The following ST6GALNAC3 variants were observed in gnomAD, a reference collection of about 807,000 sequenced individuals.
ST6GALNAC3 encodes ST6 N-acetylgalactosaminide alpha-2,6-sialyltransferase 3.
In ST6GALNAC3, 25 loss-of-function variants were observed where a neutral mutation model predicts 32.7. The ratio of observed to expected loss-of-function variants is 0.76; its 90% CI spans 0.56 to 1.07. The LOEUF (loss-of-function observed/expected upper bound fraction) is 1.07, where lower values mean the gene tolerates loss of function less well. ST6GALNAC3 is among the 50% of genes least tolerant of loss of function. The probability of loss-of-function intolerance (pLI) is 0.00; values close to 1 mark genes in which losing one functional copy is unlikely to be tolerated. For synonymous variants in ST6GALNAC3, 129 were observed against 133.1 expected, an observed-to-expected ratio of 0.97 and a Z score of 0.21; for missense variants, 355 against 382.4, an observed-to-expected ratio of 0.93 and a Z score of 0.60.
intron 1 of ST6GALNAC3, among the ~76,000 whole-genome samples, chr1:76,143,424 T>TGTGTGTGTCC (rs748314252): frequency 6.7e-6 from 1 of 149,268 alleles, no homozygotes; most frequent in Non-Finnish European, 1.5e-5. Flanking sequence ...TGTGTGTGTG[T>TGTGTGTGTCC]CCGTCTGTGT....
intron 2 of ST6GALNAC3, among the ~76,000 whole-genome samples, chr1:76,370,651 A>AATCTT (rs1274941352): frequency 1.3e-5 from 2 of 152,136 alleles, no homozygotes; most frequent in Non-Finnish European, 2.9e-5. Context: ...TATTGTGGGT[A>AATCTT]AGATGAACCA....
intron 1 of ST6GALNAC3, among the ~76,000 whole-genome samples, chr1:76,136,913 T>C (rs543671667): frequency 4.1e-4 from 62 of 152,304 alleles, no homozygotes; most frequent in African/African-American, 1.5e-3. Context: ...ACATCATTCA[T>C]CCAGTGTCAG....
At chr1:76,248,463 G>A (rs1489093783) in intron 1 of ST6GALNAC3, among the ~76,000 whole-genome samples, 2 of 152,076 alleles carry the variant, frequency 1.3e-5, no homozygotes, top group African/African-American at 2.4e-5. Context: ...GAGGAAAATG[G>A]GTTCAAGTCT....
At chr1:76,317,683 C>T (rs1646890999) in intron 2 of ST6GALNAC3, among the ~76,000 whole-genome samples, 1 of 152,092 alleles carries the variant, frequency 6.6e-6, no homozygotes, top group South Asian at 2.1e-4. Flanking sequence ...AGACCTAGAG[C>T]ATCTGCAAAC....
intron 1 of ST6GALNAC3, among the ~76,000 whole-genome samples, chr1:76,141,279 A>T (rs1684948): frequency 0.1 from 15,848 of 152,212 alleles, 906 homozygotes; most frequent in Non-Finnish European, 0.13. Context: ...ATTTCCAGAA[A>T]AGAGAGGGTT....
chr1:76,536,311 G>A (rs541891415), intron 3 of ST6GALNAC3, among the ~76,000 whole-genome samples: 64 of 152,236 alleles, frequency 4.2e-4, no homozygotes, highest in African/African-American at 9.6e-4. Context: ...AAATACCTGA[G>A]GCTGGGTAAT....
intron 3 of ST6GALNAC3, among the ~76,000 whole-genome samples, chr1:76,602,344 C>T (rs984784830): frequency 2.0e-5 from 3 of 151,610 alleles, no homozygotes; most frequent in Admixed American, 6.6e-5. Context: ...TGTGCATGTG[C>T]GTGTGCCTGT....
At chr1:76,422,225 A>T (rs938926754) in intron 3 of ST6GALNAC3, among the ~76,000 whole-genome samples, 3 of 152,044 alleles carry the variant, frequency 2.0e-5, no homozygotes, top group African/African-American at 4.8e-5. Flanking sequence ...GTGGAAAAAC[A>T]ATTGAATAAA....
intron 2 of ST6GALNAC3, among the ~76,000 whole-genome samples, chr1:76,340,579 A>G (rs1411881469): frequency 6.6e-6 from 1 of 152,250 alleles, no homozygotes; most frequent in Non-Finnish European, 1.5e-5. Flanking sequence ...CAGCCTTGCC[A>G]GCAACTAATC....
chr1:76,410,175 C>CG (rs1269358342), intron 2 of ST6GALNAC3, among the ~76,000 whole-genome samples: 3 of 152,136 alleles, frequency 2.0e-5, no homozygotes, highest in African/African-American at 7.2e-5. Context: ...AACTGAAAGA[C>CG]CCCAAGTGAT....
intron 3 of ST6GALNAC3, among the ~76,000 whole-genome samples, chr1:76,418,592 A>G (rs949383457): frequency 7.9e-5 from 12 of 152,254 alleles, no homozygotes; most frequent in Admixed American, 6.5e-4. Flanking sequence ...AGACAGTATT[A>G]AAAACAGTAT....
intron 1 of ST6GALNAC3, among the ~76,000 whole-genome samples, chr1:76,098,913 A>G (rs1019537809): frequency 6.6e-6 from 1 of 152,036 alleles, no homozygotes; most frequent in African/African-American, 2.4e-5. Flanking sequence ...TGCCTTTCAA[A>G]TTTAGATTTA....
At chr1:76,173,889 G>A (rs1652681333) in intron 1 of ST6GALNAC3, among the ~76,000 whole-genome samples, 1 of 152,174 alleles carries the variant, frequency 6.6e-6, no homozygotes, top group East Asian at 1.9e-4. Flanking sequence ...CTGTTGGTGG[G>A]AATGTAAATT....
chr1:76,586,826 T>C (rs1473764210), intron 3 of ST6GALNAC3, among the ~76,000 whole-genome samples: 3 of 152,224 alleles, frequency 2.0e-5, no homozygotes, highest in Non-Finnish European at 4.4e-5. Flanking sequence ...ATAGAAACTA[T>C]GGTCTTCTTG....
chr1:76,513,416 C>T (rs1320767547), intron 3 of ST6GALNAC3, among the ~76,000 whole-genome samples: 1 of 152,036 alleles, frequency 6.6e-6, no homozygotes, highest in Non-Finnish European at 1.5e-5. Flanking sequence ...TTCTTGGCAC[C>T]TCTGTTGAAA....
intron 1 of ST6GALNAC3, among the ~76,000 whole-genome samples, chr1:76,238,822 C>T (rs1053032462): frequency 2.6e-5 from 4 of 152,074 alleles, no homozygotes; most frequent in African/African-American, 9.7e-5. Context: ...GGATCCTATA[C>T]TTACTGACAA....
intron 2 of ST6GALNAC3, among the ~76,000 whole-genome samples, chr1:76,322,458 AG>A (rs1646985425): frequency 6.6e-6 from 1 of 152,352 alleles, no homozygotes; most frequent in East Asian, 1.9e-4. Flanking sequence ...AATACCACCT[AG>A]AAGGTGTTTG....
intron 2 of ST6GALNAC3, among the ~76,000 whole-genome samples, chr1:76,382,871 C>A (rs1029245542): frequency 6.6e-6 from 1 of 152,116 alleles, no homozygotes; most frequent in Non-Finnish European, 1.5e-5. Context: ...AAGAATCTTT[C>A]AAAACTGATA....
intron 3 of ST6GALNAC3, among the ~76,000 whole-genome samples, chr1:76,626,820 C>G (rs1055377644): frequency 2.0e-5 from 3 of 151,846 alleles, no homozygotes; most frequent in African/African-American, 7.3e-5. Flanking sequence ...GTATCCCCAG[C>G]CTCCATAACA....
Sources: allele counts gnomAD v4.1 joint callset (sites outside exome capture counted in the v4.1 genomes callset), GRCh38; gene constraint gnomAD v4.1.1; transcripts MANE v1.5; gene names NCBI Gene and HGNC (gene_info 2026-07-23, HGNC 2026-07-21).